Variants in MARS1 observed in about 807,000 individuals in gnomAD.
The protein encoded by MARS1 is methionine--tRNA ligase, cytoplasmic.
MARS1 carries 80 observed loss-of-function variants against 119.5 expected under a neutral mutation model. That is an observed-to-expected ratio of 0.67 (90% CI 0.56 to 0.81). The LOEUF (loss-of-function observed/expected upper bound fraction) is 0.81, where lower values mean the gene tolerates loss of function less well. Among genes scored for constraint, MARS1 ranks in the 30% least tolerant of loss-of-function variants. The probability of loss-of-function intolerance (pLI) is 0.00; values close to 1 mark genes in which losing one functional copy is unlikely to be tolerated. For missense variants in MARS1, 945 were observed against 1,116.5 expected (o/e 0.85, Z 2.19); for synonymous variants, 418 against 433.4 (o/e 0.96, Z 0.44).
At position 57,512,755 on chromosome 12, in the gene MARS1, C is replaced by T. The variant is rs767825019; in HGVS notation, c.1758C>T (p.Tyr586=). ...CACTCATTCTCCTCTGTCCAGAGTA[C>T]CTGAACTATGAGGATGGGAAATTCT... ...TLVSHLIATE[Y]LNYEDGKFSK... Residue 586 remains tyrosine, a synonymous_variant, in exon 15 of 21, where the codon TAC becomes TAT. Transcript: ENST00000262027. The T allele has an allele frequency of 6.2e-7, 1 of 1,613,610 alleles. No individual in the cohort carries two copies.
At chr12:57,489,245 C>A in intron 2 of MARS1, 22 bp from the exon 3 acceptor site, 1 of 1,612,688 alleles carries the variant, frequency 6.2e-7, no homozygotes, top group Non-Finnish European at 8.5e-7. Flanking sequence ...AGTCCATCAT[C>A]TGTTGCTCTC....
rs1300179115 is a variant in MARS1 at position 57,515,908 on chromosome 12, C to T, written c.2392-12C>T. 1.2e-6 allele frequency: 2 copies of T among 1,610,466 alleles called. No homozygotes were observed. The highest frequency in any genetic ancestry group is 1.7e-6 in the Non-Finnish European group (2 of 1,177,374). On this transcript the variant is annotated splice_polypyrimidine_tract_variant and intron_variant, in intron 18 of 20. Transcript: ENST00000262027. ...CCAATCAGTAGATGATTCTGGAACTCTTTTTTTACAGGTCAGTCCCTTGTT... is the reference window on the plus strand; with the variant it reads ...CCAATCAGTAGATGATTCTGGAACTTTTTTTTTACAGGTCAGTCCCTTGTT...
chr12:57,506,557 C>G (rs1405901502), intron 11 of MARS1, among the ~76,000 whole-genome samples: 1 of 152,232 alleles, frequency 6.6e-6, no homozygotes, highest in Non-Finnish European at 1.5e-5. Flanking sequence ...TTCAGAGCCA[C>G]GTGATGGCCA....
chr12:57,497,383 G>A (rs914914222), intron 7 of MARS1, among the ~76,000 whole-genome samples: 23 of 152,146 alleles, frequency 1.5e-4, no homozygotes, highest in Admixed American at 3.3e-4. Flanking sequence ...TGAGGGAATC[G>A]GGGAGGCAGT....
intron 11 of MARS1, among the ~76,000 whole-genome samples, chr12:57,508,040 C>T (rs1013972291): frequency 6.6e-6 from 1 of 151,608 alleles, no homozygotes; most frequent in Non-Finnish European, 1.5e-5. Context: ...GGGGCAGAGG[C>T]GCTCCCCACA....
At chr12:57,488,828 T>A (rs530904414) in intron 1 of MARS1, 191 bp from the exon 2 acceptor site, 5 of 779,940 alleles carry the variant, frequency 6.4e-6, no homozygotes, top group Non-Finnish European at 1.0e-5. Context: ...CAGTTTCAGC[T>A]GAACACCTGC....
At chr12:57,493,854 ATATTT>A (rs1876393053) in intron 7 of MARS1, among the ~76,000 whole-genome samples, 1 of 5,014 alleles carries the variant, frequency 2.0e-4, no homozygotes, top group African/African-American at 2.2e-4. Context: ...TATAATATAT[ATATTT>A]ATATTATATA....
intron 1 of MARS1, chr12:57,488,513 T>C: frequency 1.3e-6 from 2 of 1,481,894 alleles, no homozygotes; most frequent in Non-Finnish European, 1.8e-6. Context: ...CCCCCTCTGC[T>C]CTTTAGTTAC....
At chr12:57,510,131 CCTT>C (rs1206305836) in intron 11 of MARS1, among the ~76,000 whole-genome samples, 2 of 152,090 alleles carry the variant, frequency 1.3e-5, no homozygotes, top group Non-Finnish European at 2.9e-5. Flanking sequence ...TTTGCTTCAG[CCTT>C]CTGCGTAGTT....
intron 7 of MARS1, 131 bp downstream of exon 7, chr12:57,490,775 C>T (rs899157314): frequency 2.3e-4 from 94 of 415,266 alleles, no homozygotes; most frequent in Admixed American, 3.5e-4. Flanking sequence ...TTAATTCTTA[C>T]ATCTCTTTTT....
At chr12:57,495,303 C>T (rs1472188710) in intron 7 of MARS1, among the ~76,000 whole-genome samples, 8 of 151,368 alleles carry the variant, frequency 5.3e-5, no homozygotes, top group African/African-American at 9.7e-5. Context: ...CGGGCGGACA[C>T]GCTCCTCACC....
At chr12:57,510,540 G>T (rs901362228) in intron 11 of MARS1, among the ~76,000 whole-genome samples, 2 of 152,058 alleles carry the variant, frequency 1.3e-5, no homozygotes, top group African/African-American at 4.8e-5. Context: ...GGAGGCCAAG[G>T]CTGGAGGATT....
chr12:57,509,547 CA>C, intron 11 of MARS1, among the ~76,000 whole-genome samples: 1 of 151,786 alleles, frequency 6.6e-6, no homozygotes, highest in East Asian at 1.9e-4. Flanking sequence ...GCTGGGATTA[CA>C]GGCACCTGCC....
intron 20 of MARS1, 43 bp downstream of exon 20, chr12:57,516,380 C>G: frequency 6.2e-7 from 1 of 1,612,126 alleles, no homozygotes; most frequent in Non-Finnish European, 8.5e-7. Flanking sequence ...AAGCTGAATC[C>G]TAAATAGATC....
At chr12:57,499,610 A>AT (rs1398330372) in intron 9 of MARS1, among the ~76,000 whole-genome samples, 87 of 149,758 alleles carry the variant, frequency 5.8e-4, no homozygotes, top group African/African-American at 2.1e-3. Flanking sequence ...TCAAAAAAAA[A>AT]AAAAAAAGGG....
At position 57,490,177 on chromosome 12, in the gene MARS1, T is replaced by G. The variant is rs192543279; in HGVS notation, c.491-30T>G. The G allele has an allele frequency of 3.8e-6, 6 of 1,598,692 alleles. No individual in the cohort carries two copies. In the Admixed American group the frequency reaches 8.8e-5, roughly 23 times the overall value. On this transcript the variant is annotated intron_variant, in intron 5 of 20. Coordinates refer to ENST00000262027, the MANE Select transcript of MARS1 (RefSeq NM_004990.4). ...CTCCTGCCTACCAGGTCCTTATGTT[T>G]GCTGATTTTCTTTTCTTCCATACCC...
chr12:57,507,591 G>T (rs1228150635), intron 11 of MARS1, among the ~76,000 whole-genome samples: 20 of 143,756 alleles, frequency 1.4e-4, no homozygotes, highest in African/African-American at 4.6e-4. Flanking sequence ...CCCGGACGGG[G>T]CGGCTGGCCG....
At chr12:57,516,206 A>C in intron 19 of MARS1, 39 bp from the exon 20 acceptor site, 1 of 1,571,862 alleles carries the variant, frequency 6.4e-7, no homozygotes, top group Non-Finnish European at 8.8e-7. Flanking sequence ...AGGTTAGGGG[A>C]TATTTATGGT....
chr12:57,494,965 T>C (rs1308578755), intron 7 of MARS1, among the ~76,000 whole-genome samples: 1 of 152,218 alleles, frequency 6.6e-6, no homozygotes, highest in Non-Finnish European at 1.5e-5. Flanking sequence ...TTTCCCCCTT[T>C]TCTATTCTAC....
Sources: allele counts gnomAD v4.1 joint callset (sites outside exome capture counted in the v4.1 genomes callset), GRCh38; gene constraint gnomAD v4.1.1; transcripts MANE v1.5; gene names NCBI Gene and HGNC (gene_info 2026-07-23, HGNC 2026-07-21).